SLAIN1: variants seen among roughly 807,000 people sequenced by gnomAD.
SLAIN1 encodes the protein SLAIN motif-containing protein 1.
SLAIN1 carries 17 observed loss-of-function variants against 55.4 expected under a neutral mutation model. The observed-to-expected ratio is 0.31, with a 90% CI of 0.21 to 0.46. The LOEUF (loss-of-function observed/expected upper bound fraction) is 0.46. Ranked by LOEUF, SLAIN1 falls within the 20% of genes least tolerant of loss-of-function variation. The pLI is 1.00. For synonymous variants in SLAIN1, 348 were observed against 337.4 expected (o/e 1.03, Z -0.35); for missense variants, 682 against 785.1 (o/e 0.87, Z 1.57).
intron 1 of SLAIN1, among the ~76,000 whole-genome samples, chr13:77,711,474 G>A (rs960159589): frequency 6.6e-6 from 1 of 152,118 alleles, no homozygotes; most frequent in Admixed American, 6.5e-5. Flanking sequence ...AGGAAATCTA[G>A]AAGAAATGGA....
intron 1 of SLAIN1, among the ~76,000 whole-genome samples, chr13:77,700,738 T>C (rs1566216113): frequency 6.6e-6 from 1 of 152,178 alleles, no homozygotes; most frequent in Non-Finnish European, 1.5e-5. Flanking sequence ...CCTGATATGT[T>C]TGCAGGATGG....
intron 4 of SLAIN1, among the ~76,000 whole-genome samples, 161 bp from the exon 5 acceptor site, chr13:77,753,042 A>G (rs1450352643): frequency 6.6e-6 from 1 of 152,172 alleles, no homozygotes; most frequent in Non-Finnish European, 1.5e-5. Context: ...CTGGTTGGGA[A>G]GGGTGTTTTC....
At chr13:77,736,250 C>A (rs1229949933) in intron 2 of SLAIN1, among the ~76,000 whole-genome samples, 2 of 151,938 alleles carry the variant, frequency 1.3e-5, no homozygotes, top group Admixed American at 6.6e-5. Flanking sequence ...TATTTATTGC[C>A]TGTAACTTAC....
intron 4 of SLAIN1, among the ~76,000 whole-genome samples, chr13:77,752,154 A>G (rs2154410729): frequency 6.6e-6 from 1 of 152,284 alleles, no homozygotes; most frequent in South Asian, 2.1e-4. Flanking sequence ...AAAACTTTCC[A>G]GAGATTAATG....
chr13:77,755,348 G>A (rs561462600), intron 5 of SLAIN1, among the ~76,000 whole-genome samples: 1 of 152,010 alleles, frequency 6.6e-6, no homozygotes, highest in Non-Finnish European at 1.5e-5. Flanking sequence ...AAAATCAATA[G>A]TGTAAGTGTG....
At position 77,716,672 on chromosome 13, in the gene SLAIN1, G is replaced by A. The variant is rs149884856; in HGVS notation, c.627-2860G>A. Among the ~76,000 whole-genome samples the A allele has an allele frequency of 1.8e-4, 27 of 152,046 alleles. 1 individual carries two copies. The East Asian group carries it at 4.8e-3, about 27-fold the overall frequency. On this transcript the variant is annotated intron_variant, in intron 1 of 6. Transcript: ENST00000418532. The stretch of plus-strand genomic sequence containing the variant: ...AGTGAAATTTTAAAAATATGAATTC[G>A]TTTGTTGTTAATATATATAAGTATA...
chr13:77,748,695 A>G (rs1438017213), intron 4 of SLAIN1, among the ~76,000 whole-genome samples: 2 of 152,156 alleles, frequency 1.3e-5, no homozygotes, highest in African/African-American at 2.4e-5. Flanking sequence ...AGTTTTCACA[A>G]TACAAGAAAA....
At chr13:77,745,203 A>G (rs1873730414) in intron 3 of SLAIN1, among the ~76,000 whole-genome samples, 1 of 151,966 alleles carries the variant, frequency 6.6e-6, no homozygotes, top group Non-Finnish European at 1.5e-5. Flanking sequence ...AATTGCATAC[A>G]GCTTAATACT....
chr13:77,716,922 A>C (rs935250013), intron 1 of SLAIN1, among the ~76,000 whole-genome samples: 13 of 152,138 alleles, frequency 8.5e-5, no homozygotes, highest in African/African-American at 2.9e-4. Context: ...AAGCGATGAG[A>C]GCCAATGTCT....
At chr13:77,757,388 T>C (rs1171447949) in intron 5 of SLAIN1, among the ~76,000 whole-genome samples, 1 of 152,168 alleles carries the variant, frequency 6.6e-6, no homozygotes, top group Non-Finnish European at 1.5e-5. Flanking sequence ...ATAGACTTTA[T>C]TTTTATAAAG....
chr13:77,713,063 G>T (rs1483390462), intron 1 of SLAIN1, among the ~76,000 whole-genome samples: 1 of 152,122 alleles, frequency 6.6e-6, no homozygotes, highest in Admixed American at 6.5e-5. Flanking sequence ...ATTAACTCAA[G>T]ATAGATTAAA....
In SLAIN1 at chr13:77,698,069, C is replaced by G. The variant is rs1161890137; in HGVS notation, c.156C>G (p.Ser52Arg). Reference sequence around the variant, plus strand: ...AGCAGCTGCGGAGTCGAGCGGCCAGCGCGGCCGCCGCCCCGCACCTGCTGC... The same window carrying G: ...AGCAGCTGCGGAGTCGAGCGGCCAGGGCGGCCGCCGCCCCGCACCTGCTGC... ...QNEQLRSRAA[S>R]AAAAPHLLLL... Residue 52 changes from serine to arginine, a missense_variant, in exon 1 of 7, where the codon AGC becomes AGG. Ser to Arg is a moderately radical substitution (Grantham distance 110). Coordinates refer to ENST00000418532, the MANE Select transcript of SLAIN1 (RefSeq NM_001242868.2). The surrounding 1 kb of genome is among the most constrained non-coding windows in gnomAD (Gnocchi z 4.1). The G allele has an allele frequency of 5.2e-5, 69 of 1,326,148 alleles. No individual in the cohort carries two copies. The East Asian group carries it at 2.2e-3, about 42-fold the overall frequency. 82.1% of individuals were successfully genotyped at this position (1,326,148 alleles called of 1,614,324 possible). A position where few individuals can be genotyped will look rare whatever the true frequency, so the allele number is the denominator to read the frequency against.
chr13:77,737,418 A>G (rs1476233501), intron 2 of SLAIN1, among the ~76,000 whole-genome samples: 1 of 152,086 alleles, frequency 6.6e-6, no homozygotes, highest in Non-Finnish European at 1.5e-5. Flanking sequence ...ATGTAATCTG[A>G]TTATGTCTTT....
At chr13:77,732,125 A>T (rs1033178516) in intron 2 of SLAIN1, among the ~76,000 whole-genome samples, 2 of 152,110 alleles carry the variant, frequency 1.3e-5, no homozygotes, top group African/African-American at 4.8e-5. Flanking sequence ...CTTTTCTGTT[A>T]CTGGGATAAG....
intron 4 of SLAIN1, among the ~76,000 whole-genome samples, chr13:77,750,460 A>G (rs1221513140): frequency 6.6e-6 from 1 of 152,118 alleles, no homozygotes; most frequent in Non-Finnish European, 1.5e-5. Flanking sequence ...TTTTTACACC[A>G]GTTTTTGTAA....
chr13:77,761,186 T>G, intron 6 of SLAIN1, 76 bp downstream of exon 6: 1 of 1,434,206 alleles, frequency 7.0e-7, no homozygotes. Context: ...TGACTTTTCC[T>G]TTGGCTCACT....
chr13:77,710,566 A>C (rs1490806318), intron 1 of SLAIN1, among the ~76,000 whole-genome samples: 4 of 152,232 alleles, frequency 2.6e-5, no homozygotes, highest in Non-Finnish European at 5.9e-5. Context: ...TATCCACCCA[A>C]TACAGGAGGA....
chr13:77,757,805 A>G (rs180929748), intron 5 of SLAIN1, among the ~76,000 whole-genome samples: 1 of 152,200 alleles, frequency 6.6e-6, no homozygotes, highest in African/African-American at 2.4e-5. Context: ...GTGTATATAT[A>G]CCACAGTTCT....
chr13:77,708,366 T>C (rs989765261), intron 1 of SLAIN1, among the ~76,000 whole-genome samples: 2 of 152,168 alleles, frequency 1.3e-5, no homozygotes, highest in African/African-American at 2.4e-5. Context: ...AATTCTCCCA[T>C]TGGATACTGG....
Sources: allele counts gnomAD v4.1 joint callset (sites outside exome capture counted in the v4.1 genomes callset), GRCh38; gene constraint gnomAD v4.1.1; non-coding constraint Gnocchi (gnomAD v3.1); transcripts MANE v1.5; gene names NCBI Gene and HGNC (gene_info 2026-07-23, HGNC 2026-07-21).